SPRR2B: variants seen among roughly 807,000 people sequenced by gnomAD.
SPRR2B encodes the protein small proline rich protein 2B.
Under a neutral mutation model 1.0 loss-of-function variants are expected in SPRR2B, and 1 was observed. The ratio of observed to expected loss-of-function variants is 1.01; its 90% CI spans 0.36 to 4.77. The LOEUF is 4.77. SPRR2B is among the 30% of genes most tolerant of loss of function. The pLI is 0.16. For synonymous variants in SPRR2B, 27 were observed against 33.4 expected (o/e 0.81, Z 0.66); for missense variants, 53 against 88.7 (o/e 0.60, Z 1.62).
the SPRR2B span, among the ~76,000 whole-genome samples, chr1:153,080,612 A>T: frequency 1.3e-5 from 2 of 152,232 alleles, no homozygotes; most frequent in Admixed American, 1.3e-4. Context: ...TTGTGAAAAA[A>T]ATTTGTACAG....
chr1:153,070,458 AC>A lies in SPRR2B; in HGVS notation c.*162del, dbSNP rs1325842399. 9.7e-6 allele frequency: 13 copies of A among 1,343,522 alleles called. No individual in the cohort carries two copies. Among genetic ancestry groups the A allele is most frequent in the Admixed American group, 2.8e-5 (1 of 35,700 alleles). The allele number at this position is 1,343,522 out of a possible 1,614,324, so 83.2% of individuals were successfully genotyped here. On this transcript the variant is annotated 3_prime_UTR_variant, in exon 2 of 2. Coordinates refer to ENST00000368755, the MANE Select transcript of SPRR2B (RefSeq NM_001388198.1). The stretch of plus-strand genomic sequence containing the variant: ...GCAGTATGGCAGCCTTAGAAAGGAA[AC>A]CTTTTGCTATCAGGGAACATCATGG...
chr1:153,085,992 TG>T, the SPRR2B span, among the ~76,000 whole-genome samples: 1 of 152,226 alleles, frequency 6.6e-6, no homozygotes, highest in Non-Finnish European at 1.5e-5. Context: ...TAAGGGAATT[TG>T]TTACCCCCAG....
the SPRR2B span, among the ~76,000 whole-genome samples, chr1:153,085,473 G>A: frequency 5.2e-4 from 79 of 152,242 alleles, 1 homozygote; most frequent in East Asian, 0.015. Context: ...AGCCAGACAA[G>A]AAAAGATAGA....
chr1:153,078,774 T>C, the SPRR2B span, among the ~76,000 whole-genome samples: 3 of 152,208 alleles, frequency 2.0e-5, no homozygotes, highest in Non-Finnish European at 2.9e-5. Flanking sequence ...TGTTGGACAT[T>C]TGGGCTGGTT....
chr1:153,078,717 T>G, the SPRR2B span, among the ~76,000 whole-genome samples: 3 of 152,348 alleles, frequency 2.0e-5, no homozygotes, highest in African/African-American at 7.2e-5. Flanking sequence ...GGCTGCATAG[T>G]ATTCCATGGT....
the SPRR2B span, among the ~76,000 whole-genome samples, chr1:153,087,404 AG>A: frequency 3.9e-5 from 6 of 152,196 alleles, no homozygotes; most frequent in Non-Finnish European, 8.8e-5. Context: ...CTGAAATCAG[AG>A]GCATACTGAA....
At chr1:153,072,944 C>T (rs1201074396), upstream of SPRR2B, among the ~76,000 whole-genome samples, 2 of 152,068 alleles carry the variant, frequency 1.3e-5, no homozygotes, top group African/African-American at 4.8e-5. Context: ...AAGAACCTTT[C>T]CAAGAATGTG....
At chr1:153,082,371 G>A in the SPRR2B span, among the ~76,000 whole-genome samples, 1 of 151,972 alleles carries the variant, frequency 6.6e-6, no homozygotes, top group East Asian at 1.9e-4. Context: ...TTTAAATATA[G>A]AACACTCCAC....
At chr1:153,079,372 G>T in the SPRR2B span, among the ~76,000 whole-genome samples, 1 of 152,120 alleles carries the variant, frequency 6.6e-6, no homozygotes, top group African/African-American at 2.4e-5. Context: ...AGTTTAATTA[G>T]ATACCATTTG....
At position 153,070,316 on chromosome 1, in the gene SPRR2B, G is replaced by GAAC. The variant is rs1191391624; in HGVS notation, c.*302_*304dup. 2 of 538,946 alleles carry GAAC rather than the reference G, an allele frequency of 3.7e-6. No individual in the cohort carries two copies. Among genetic ancestry groups the GAAC allele is most frequent in the Non-Finnish European group, 6.4e-6 (2 of 310,968 alleles). 33.4% of individuals were successfully genotyped at this position (538,946 alleles called of 1,614,324 possible). A position where few individuals can be genotyped will look rare whatever the true frequency, so the allele number is the denominator to read the frequency against. On this transcript the variant is annotated 3_prime_UTR_variant, in exon 2 of 2. Transcript: ENST00000368755. ...CATGCCCAGGTGAAAGACAGACACA[G>GAAC]AACACATCAACAGAATTCTCTGATG...
upstream of SPRR2B, among the ~76,000 whole-genome samples, chr1:153,075,257 G>C (rs934911391): frequency 6.6e-6 from 1 of 152,050 alleles, no homozygotes; most frequent in Non-Finnish European, 1.5e-5. Context: ...GCACAGAATT[G>C]CTTTAACCCA....
the SPRR2B span, among the ~76,000 whole-genome samples, chr1:153,083,321 T>C: frequency 6.6e-6 from 1 of 152,180 alleles, no homozygotes; most frequent in Admixed American, 6.5e-5. Flanking sequence ...TCCTGTCTTA[T>C]TCCATGAGGC....
At chr1:153,084,267 A>G in the SPRR2B span, among the ~76,000 whole-genome samples, 9 of 151,908 alleles carry the variant, frequency 5.9e-5, no homozygotes, top group Non-Finnish European at 1.2e-4. Flanking sequence ...TCCTCTCCCC[A>G]CCAGTACATA....
At chr1:153,076,452 G>A (rs994286305), upstream of SPRR2B, among the ~76,000 whole-genome samples, 16 of 152,128 alleles carry the variant, frequency 1.1e-4, no homozygotes, top group African/African-American at 3.4e-4. Flanking sequence ...TAGTGAATGT[G>A]CATAGGCTGT....
upstream of SPRR2B, among the ~76,000 whole-genome samples, chr1:153,074,064 C>T (rs1313358093): frequency 1.3e-5 from 2 of 152,168 alleles, no homozygotes; most frequent in Admixed American, 6.5e-5. Flanking sequence ...CCACAAGGCT[C>T]CTCTGCTCCC....
chr1:153,080,039 A>C, the SPRR2B span, among the ~76,000 whole-genome samples: 3 of 152,044 alleles, frequency 2.0e-5, no homozygotes, highest in African/African-American at 4.8e-5. Flanking sequence ...CTTTTATTTC[A>C]TTGAGAAGTG....
the SPRR2B span, among the ~76,000 whole-genome samples, chr1:153,081,388 G>C: frequency 1.3e-5 from 2 of 152,204 alleles, no homozygotes; most frequent in African/African-American, 4.8e-5. Flanking sequence ...AAGAGGTAGT[G>C]GGATGACATA....
chr1:153,074,270 T>C (rs775019161), upstream of SPRR2B, among the ~76,000 whole-genome samples: 14 of 152,260 alleles, frequency 9.2e-5, no homozygotes, highest in Non-Finnish European at 1.9e-4. Flanking sequence ...TTTTGTGTAA[T>C]ATTTGATTCA....
the SPRR2B span, among the ~76,000 whole-genome samples, chr1:153,079,413 G>T: frequency 2.2e-4 from 33 of 152,248 alleles, no homozygotes; most frequent in Non-Finnish European, 3.1e-4. Context: ...CATTGCTTTT[G>T]GTGTTTTAGG....
Sources: allele counts gnomAD v4.1 joint callset (sites outside exome capture counted in the v4.1 genomes callset), GRCh38; gene constraint gnomAD v4.1.1; transcripts MANE v1.5; gene names NCBI Gene and HGNC (gene_info 2026-07-23, HGNC 2026-07-21).